HDAC9: variants seen among roughly 807,000 people sequenced by gnomAD.
HDAC9 encodes MEF-2 interacting transcription repressor (MITR) protein.
Under a neutral mutation model 139.4 loss-of-function variants are expected in HDAC9, and 41 were observed. That is an observed-to-expected ratio of 0.29 (90% confidence interval 0.23 to 0.38). The LOEUF (loss-of-function observed/expected upper bound fraction) is 0.38. HDAC9 is among the 10% of genes least tolerant of loss of function. HDAC9 has a pLI of 1.00. For missense variants in HDAC9, 1,147 were observed against 1,297.0 expected, an observed-to-expected ratio of 0.88 and a Z score of 1.78; for synonymous variants, 517 against 476.2, an observed-to-expected ratio of 1.09 and a Z score of -1.12.
At chr7:18,837,417 A>T (rs751879225) in intron 21 of HDAC9, among the ~76,000 whole-genome samples, 1 of 152,080 alleles carries the variant, frequency 6.6e-6, no homozygotes. Flanking sequence ...CACAAACATT[A>T]TTAATATCTT....
intron 1 of HDAC9, among the ~76,000 whole-genome samples, chr7:18,326,075 A>G (rs1800424535): frequency 6.6e-6 from 1 of 152,130 alleles, no homozygotes; most frequent in Non-Finnish European, 1.5e-5. Context: ...GTGTAAAATT[A>G]TCACTTTTCA....
intron 21 of HDAC9, among the ~76,000 whole-genome samples, chr7:18,859,854 ATATATG>A (rs1483783569): frequency 2.5e-5 from 3 of 121,920 alleles, no homozygotes; most frequent in African/African-American, 6.2e-5. Context: ...ATATATATAT[ATATATG>A]TGAGAGAATG....
chr7:18,261,179 A>C (rs1795654813), intron 2 of HDAC9, among the ~76,000 whole-genome samples: 1 of 151,994 alleles, frequency 6.6e-6, no homozygotes, highest in Non-Finnish European at 1.5e-5. Context: ...ATGGTGATGC[A>C]GGCCTATAGT....
At position 18,728,291 on chromosome 7, in the gene HDAC9, G is replaced by C. The variant is rs1188982646; in HGVS notation, c.1909+534G>C. On this transcript the variant is annotated intron_variant, in intron 13 of 25. Coordinates refer to ENST00000686413, the MANE Select transcript of HDAC9 (RefSeq NM_178425.4). ...TATTCATTATGGAATCTCTGGGTGG[G>C]CTTTTCGACCAACCTCTTCCTTTGT... 2.6e-5 allele frequency among the ~76,000 whole-genome samples: 4 copies of C among 151,954 alleles called. No individual in the cohort carries two copies. The South Asian group carries it at 6.2e-4, about 24-fold the overall frequency.
In HDAC9 at chr7:19,000,034, A is replaced by G. The variant is rs1214098799; in HGVS notation, c.*3972A>G. ...GCTGAGAAAATAAGGGGAAAACAAGATAGAAGTAAAAAACAACACACCTGT... is the reference window on the plus strand; with the variant it reads ...GCTGAGAAAATAAGGGGAAAACAAGGTAGAAGTAAAAAACAACACACCTGT... On this transcript the variant is annotated 3_prime_UTR_variant, in exon 26 of 26. Coordinates refer to ENST00000686413, the MANE Select transcript of HDAC9 (RefSeq NM_178425.4). The G allele has an allele frequency of 6.6e-6, 1 of 152,236 alleles. No homozygotes were observed. The highest frequency in any genetic ancestry group is 6.5e-5 in the Admixed American group (1 of 15,294). The allele number at this position is 152,236 out of a possible 1,614,324, so 9.4% of individuals were successfully genotyped here.
At chr7:18,225,445 T>C (rs928020275) in intron 2 of HDAC9, among the ~76,000 whole-genome samples, 15 of 152,192 alleles carry the variant, frequency 9.9e-5, no homozygotes, top group Admixed American at 3.9e-4. Flanking sequence ...TGTTTTTCTT[T>C]TTGTCATAAA....
At chr7:18,550,936 C>A (rs1159620495) in intron 2 of HDAC9, among the ~76,000 whole-genome samples, 1 of 152,144 alleles carries the variant, frequency 6.6e-6, no homozygotes, top group Non-Finnish European at 1.5e-5. Flanking sequence ...TAGTTTAGGA[C>A]CCTAGCAATC....
chr7:18,462,446 A>C (rs570168567), intron 1 of HDAC9, among the ~76,000 whole-genome samples: 1 of 152,086 alleles, frequency 6.6e-6, no homozygotes, highest in Non-Finnish European at 1.5e-5. Context: ...CAATGAACAT[A>C]TTCTAGTTCT....
chr7:18,854,011 A>G (rs1340357974), intron 21 of HDAC9, among the ~76,000 whole-genome samples: 1 of 152,184 alleles, frequency 6.6e-6, no homozygotes, highest in Non-Finnish European at 1.5e-5. Context: ...CTTGCTTGGA[A>G]CATAGTGACA....
chr7:18,848,726 A>T (rs949237994), intron 21 of HDAC9, among the ~76,000 whole-genome samples: 1 of 152,080 alleles, frequency 6.6e-6, no homozygotes, highest in African/African-American at 2.4e-5. Context: ...GATCTTTAAT[A>T]TGAGAAACCA....
chr7:18,312,231 C>G (rs1386791928), intron 1 of HDAC9, among the ~76,000 whole-genome samples: 1 of 152,132 alleles, frequency 6.6e-6, no homozygotes, highest in Non-Finnish European at 1.5e-5. Flanking sequence ...GATAGGAGAG[C>G]CATACAGTGA....
chr7:18,691,775 T>A (rs1304890785), intron 12 of HDAC9, among the ~76,000 whole-genome samples: 1 of 152,068 alleles, frequency 6.6e-6, no homozygotes, highest in Non-Finnish European at 1.5e-5. Context: ...ATAGATAGAA[T>A]TCAAGCTAAC....
At chr7:18,208,029 T>G (rs1197908269) in intron 2 of HDAC9, among the ~76,000 whole-genome samples, 1 of 152,104 alleles carries the variant, frequency 6.6e-6, no homozygotes, top group Non-Finnish European at 1.5e-5. Context: ...ATGTTATTTT[T>G]AAAAAGCAAA....
At chr7:18,796,455 A>T (rs915904492) in intron 17 of HDAC9, among the ~76,000 whole-genome samples, 36 of 152,346 alleles carry the variant, frequency 2.4e-4, no homozygotes, top group African/African-American at 8.4e-4. Context: ...TAAATAGAAC[A>T]TGTGCAGCAA....
intron 12 of HDAC9, among the ~76,000 whole-genome samples, chr7:18,712,061 C>T (rs762458580): frequency 6.6e-6 from 1 of 152,012 alleles, no homozygotes; most frequent in Non-Finnish European, 1.5e-5. Flanking sequence ...TAGTAAACCC[C>T]TTAGTAGTGC....
chr7:18,287,621 T>G (rs1464569787), upstream of HDAC9, among the ~76,000 whole-genome samples: 1 of 152,246 alleles, frequency 6.6e-6, no homozygotes, highest in African/African-American at 2.4e-5. Context: ...TGAGAGCAGA[T>G]GGCCACAGTT....
chr7:18,612,154 G>A (rs1454442361), intron 6 of HDAC9, among the ~76,000 whole-genome samples: 1 of 151,956 alleles, frequency 6.6e-6, no homozygotes, highest in Non-Finnish European at 1.5e-5. Context: ...TAAACTTACA[G>A]GCCCATAAAT....
chr7:18,906,001 CTTT>C (rs1802220046), intron 22 of HDAC9, among the ~76,000 whole-genome samples: 1 of 149,746 alleles, frequency 6.7e-6, no homozygotes, highest in South Asian at 2.1e-4. Flanking sequence ...CTCTCTCTCT[CTTT>C]ATTTTTTCTT....
intron 1 of HDAC9, among the ~76,000 whole-genome samples, chr7:18,349,772 A>G (rs1782713575): frequency 6.6e-6 from 1 of 152,248 alleles, no homozygotes; most frequent in South Asian, 2.1e-4. Context: ...TGCAGAAAAA[A>G]TATGTCTTTC....
Sources: allele counts gnomAD v4.1 joint callset (sites outside exome capture counted in the v4.1 genomes callset), GRCh38; gene constraint gnomAD v4.1.1; transcripts MANE v1.5; gene names NCBI Gene and HGNC (gene_info 2026-07-23, HGNC 2026-07-21).